Variants in FHAD1 observed in about 807,000 individuals in gnomAD.
FHAD1 encodes forkhead associated phosphopeptide binding domain 1, also known as forkhead-associated domain-containing protein 1.
FHAD1 carries 146 observed loss-of-function variants against 191.3 expected under a neutral mutation model. The ratio of observed to expected loss-of-function variants is 0.76; its 90% CI spans 0.67 to 0.88. The LOEUF is 0.88. Among genes scored for constraint, FHAD1 ranks in the 40% least tolerant of loss-of-function variants. FHAD1 has a pLI of 0.00. For missense variants in FHAD1, 1,635 were observed against 1,785.8 expected, an observed-to-expected ratio of 0.92 and a Z score of 1.52; for synonymous variants, 616 against 672.3, an observed-to-expected ratio of 0.92 and a Z score of 1.29.
In FHAD1 at chr1:15,328,414, G is replaced by A. The variant is rs368807994; in HGVS notation, c.1695G>A (p.Ser565=). 13 of 1,522,684 alleles carry A rather than the reference G, an allele frequency of 8.5e-6. No individual in the cohort carries two copies. The highest frequency in any genetic ancestry group is 1.7e-4 in the Middle Eastern group (1 of 5,812). 94.3% of individuals were successfully genotyped at this position (1,522,684 alleles called of 1,614,324 possible). The stretch of plus-strand genomic sequence containing the variant: ...AGAACATCGAGAAGCTGAGGACGTC[G>A]CTGGACAGCTGCCAGGTGGCCCCTC... The part of the protein sequence containing the change: ...TTENIEKLRT[S]LDSCQACMKI... The change falls in exon 13 of 34, where the codon TCG becomes TCA. Residue 565 remains serine (S), a synonymous_variant. Coordinates refer to ENST00000688493, the MANE Select transcript of FHAD1 (RefSeq NM_001391957.1).
chr1:15,265,047 T>G (rs1652822431), intron 2 of FHAD1, among the ~76,000 whole-genome samples: 1 of 152,238 alleles, frequency 6.6e-6, no homozygotes, highest in Non-Finnish European at 1.5e-5. Context: ...GTATAATCCT[T>G]TTAATAAGCT....
chr1:15,383,590 C>G lies in FHAD1; in HGVS notation c.4188+1397C>G. ...GTCCACAAGGCACTGGAACAGTGAC[C>G]TCTAAATAGAGCCAGACTCTCCCTT... On this transcript the variant is annotated intron_variant, in intron 31 of 33. Transcript: ENST00000688493. 2 of 315,364 alleles carry G rather than the reference C, an allele frequency of 6.3e-6. 1 individual carries two copies. Among genetic ancestry groups the G allele is most frequent in the South Asian group, 5.7e-5 (2 of 35,084 alleles). 19.5% of individuals were successfully genotyped at this position (315,364 alleles called of 1,614,324 possible).
chr1:15,296,613 G>A (rs1374948068), intron 4 of FHAD1, 71 bp from the exon 5 acceptor site: 3 of 1,296,426 alleles, frequency 2.3e-6, no homozygotes, highest in East Asian at 5.1e-5. Flanking sequence ...GAAGGCTAAC[G>A]TGAACATCTT....
At position 15,328,368 on chromosome 1, in the gene FHAD1, C is replaced by G. The variant is rs1163164780; in HGVS notation, c.1649C>G (p.Ser550Cys). ...CAGAAAGAGACCCAGCTGAGCAACT[C>G]CAAGCAGGAGGAGACCACCGAGAAC... ...TLQKETQLSNSKQEETTENIE... is the reference protein window; with the variant it reads ...TLQKETQLSNCKQEETTENIE... The change falls in exon 13 of 34, where the codon TCC (serine) becomes TGC (cysteine). Residue 550 changes from serine to cysteine, a missense_variant. Coordinates refer to ENST00000688493, the MANE Select transcript of FHAD1 (RefSeq NM_001391957.1). 1 of 1,493,396 alleles carries G rather than the reference C, an allele frequency of 6.7e-7. No individual in the cohort carries two copies. The highest frequency in any genetic ancestry group is 9.0e-7 in the Non-Finnish European group (1 of 1,115,376). 92.5% of individuals were successfully genotyped at this position (1,493,396 alleles called of 1,614,324 possible). A position where few individuals can be genotyped will look rare whatever the true frequency, so the allele number is the denominator to read the frequency against.
chr1:15,328,463 CTT>C, intron 13 of FHAD1, 34 bp downstream of exon 13: 6 of 1,364,912 alleles, frequency 4.4e-6, no homozygotes, highest in African/African-American at 1.5e-5. Context: ...CAAATGGTCT[CTT>C]TGTCTAATTT....
chr1:15,287,576 C>T (rs1179598939), intron 3 of FHAD1, among the ~76,000 whole-genome samples: 1 of 152,106 alleles, frequency 6.6e-6, no homozygotes, highest in Non-Finnish European at 1.5e-5. Context: ...GAGGTAACTG[C>T]CCCCATGATT....
At chr1:15,300,154 C>T (rs895609941) in intron 5 of FHAD1, among the ~76,000 whole-genome samples, 2 of 152,192 alleles carry the variant, frequency 1.3e-5, no homozygotes, top group South Asian at 2.1e-4. Flanking sequence ...TTTATTGATG[C>T]GTTCTGGTGA....
At chr1:15,278,874 C>T (rs1659486294) in intron 3 of FHAD1, among the ~76,000 whole-genome samples, 1 of 152,040 alleles carries the variant, frequency 6.6e-6, no homozygotes, top group African/African-American at 2.4e-5. Context: ...ATATGCTTGA[C>T]ATTAATGTAT....
intron 1 of FHAD1, among the ~76,000 whole-genome samples, chr1:15,240,581 C>T (rs573927379): frequency 4.2e-5 from 6 of 144,340 alleles, no homozygotes; most frequent in Non-Finnish European, 7.5e-5. Flanking sequence ...CAGTGAGTTA[C>T]GATCACATCA....
rs374174550 is a variant in FHAD1 at position 15,287,597 on chromosome 1, C to G, written c.301-1802C>G. Among the ~76,000 whole-genome samples, 8 of 152,278 alleles carry G rather than the reference C, an allele frequency of 5.3e-5. No individual in the cohort carries two copies. The East Asian group carries it at 9.6e-4, about 18-fold the overall frequency. ...ACTGCCCCCATGATTCCATTACCTC[C>G]CACCAGGTCCCTCCCAGTCCGTCCT... On this transcript the variant is annotated intron_variant, in intron 3 of 33. Coordinates refer to ENST00000688493, the MANE Select transcript of FHAD1 (RefSeq NM_001391957.1).
intron 2 of FHAD1, among the ~76,000 whole-genome samples, chr1:15,254,943 T>A (rs1023131500): frequency 2.0e-5 from 3 of 152,210 alleles, no homozygotes; most frequent in Admixed American, 6.5e-5. Flanking sequence ...AAATATTTTA[T>A]AAGACAAGAT....
At chr1:15,255,591 G>T (rs1647626118) in intron 2 of FHAD1, among the ~76,000 whole-genome samples, 1 of 152,182 alleles carries the variant, frequency 6.6e-6, no homozygotes, top group South Asian at 2.1e-4. Context: ...CAAGCCTGGG[G>T]ACACTCACAC....
chr1:15,392,960 C>T (rs1486170825), intron 33 of FHAD1: 1 of 152,216 alleles, frequency 6.6e-6, no homozygotes, highest in Non-Finnish European at 1.5e-5. Flanking sequence ...GGCCCTCATT[C>T]GCACAACAGA....
intron 19 of FHAD1, among the ~76,000 whole-genome samples, chr1:15,349,547 G>A (rs899884174): frequency 3.3e-5 from 5 of 152,194 alleles, no homozygotes; most frequent in East Asian, 1.9e-4. Context: ...ACAGTAGAGC[G>A]GCATGTGTGC....
At chr1:15,383,899 C>T (rs1413794370) in intron 31 of FHAD1, 1 of 444,272 alleles carries the variant, frequency 2.3e-6, no homozygotes, top group Non-Finnish European at 4.5e-6. Flanking sequence ...ATCCCTCTGA[C>T]CCTGGTTCTC....
At chr1:15,267,798 TG>T (rs1654161303) in intron 2 of FHAD1, among the ~76,000 whole-genome samples, 1 of 147,186 alleles carries the variant, frequency 6.8e-6, no homozygotes, top group Non-Finnish European at 1.5e-5. Flanking sequence ...ATAATATAAA[TG>T]ATATATAAAT....
intron 5 of FHAD1, among the ~76,000 whole-genome samples, chr1:15,297,427 C>T (rs1667320829): frequency 6.6e-6 from 1 of 152,192 alleles, no homozygotes; most frequent in African/African-American, 2.4e-5. Flanking sequence ...CAATGCCTTG[C>T]TTCCCCTAAA....
intron 10 of FHAD1, among the ~76,000 whole-genome samples, chr1:15,323,898 A>G (rs1306753460): frequency 6.6e-6 from 1 of 152,194 alleles, no homozygotes; most frequent in African/African-American, 2.4e-5. Context: ...TAGAAGTGGT[A>G]GCAATAAACA....
chr1:15,293,897 A>G (rs1665981810), intron 4 of FHAD1, among the ~76,000 whole-genome samples: 1 of 152,034 alleles, frequency 6.6e-6, no homozygotes, highest in South Asian at 2.1e-4. Flanking sequence ...CTCCAGTGCC[A>G]TGTTGAACTT....
Sources: allele counts gnomAD v4.1 joint callset (sites outside exome capture counted in the v4.1 genomes callset), GRCh38; gene constraint gnomAD v4.1.1; transcripts MANE v1.5; gene names NCBI Gene and HGNC (gene_info 2026-07-23, HGNC 2026-07-21).